The following PIP4K2B variants were observed in gnomAD, a reference collection of about 807,000 sequenced individuals.
PIP4K2B encodes the protein phosphatidylinositol-5-phosphate 4-kinase type 2 beta.
In PIP4K2B, 3 loss-of-function variants were observed where a neutral mutation model predicts 42.0. The ratio of observed to expected loss-of-function variants is 0.07; its 90% CI spans 0.03 to 0.18. The LOEUF is 0.18. PIP4K2B is among the 10% of genes least tolerant of loss of function. The pLI is 1.00. For missense variants in PIP4K2B, 332 were observed against 562.3 expected, an observed-to-expected ratio of 0.59 and a Z score of 4.14; for synonymous variants, 204 against 210.1, an observed-to-expected ratio of 0.97 and a Z score of 0.25.
intron 7 of PIP4K2B, among the ~76,000 whole-genome samples, chr17:38,775,255 T>C (rs922958495): frequency 1.3e-5 from 2 of 151,960 alleles, no homozygotes; most frequent in African/African-American, 4.8e-5. Context: ...GCCTAGCTTT[T>C]GTTTTGTTTT....
intron 7 of PIP4K2B, among the ~76,000 whole-genome samples, chr17:38,777,249 G>A (rs905590190): frequency 6.6e-6 from 1 of 152,072 alleles, no homozygotes; most frequent in African/African-American, 2.4e-5. Flanking sequence ...ATTTTTAGTA[G>A]AGATGAGGTC....
chr17:38,792,494 G>C (rs190502925), intron 1 of PIP4K2B, among the ~76,000 whole-genome samples: 3 of 152,310 alleles, frequency 2.0e-5, no homozygotes, highest in Admixed American at 2.0e-4. Flanking sequence ...ATGCAACATG[G>C]AGATGAAAAT....
intron 1 of PIP4K2B, among the ~76,000 whole-genome samples, chr17:38,798,945 G>C (rs1038333900): frequency 6.6e-6 from 1 of 151,684 alleles, no homozygotes; most frequent in Non-Finnish European, 1.5e-5. Flanking sequence ...GAGAAGCAGG[G>C]ATGAAAGCGA....
chr17:38,784,777 T>C (rs1429703411), intron 2 of PIP4K2B, among the ~76,000 whole-genome samples: 1 of 152,222 alleles, frequency 6.6e-6, no homozygotes, highest in Non-Finnish European at 1.5e-5. Flanking sequence ...ATGTGTGTGC[T>C]GCCCTTCAAT....
At chr17:38,777,948 A>AG (rs1475671849) in intron 6 of PIP4K2B, 148 bp from the exon 7 acceptor site, 1 of 630,444 alleles carries the variant, frequency 1.6e-6, no homozygotes, top group Non-Finnish European at 2.8e-6. Flanking sequence ...GCAGTGCAGG[A>AG]GCCTCTAGTC....
At chr17:38,774,355 T>C (rs1909201060) in intron 7 of PIP4K2B, among the ~76,000 whole-genome samples, 1 of 152,194 alleles carries the variant, frequency 6.6e-6, no homozygotes, top group South Asian at 2.1e-4. Flanking sequence ...AGGGAACTCC[T>C]TCTGCCTGGT....
chr17:38,798,387 A>C (rs921718734), intron 1 of PIP4K2B, among the ~76,000 whole-genome samples: 1 of 152,230 alleles, frequency 6.6e-6, no homozygotes, highest in Non-Finnish European at 1.5e-5. Context: ...CTTCCAGCTT[A>C]AACTGTCAGG....
intron 1 of PIP4K2B, among the ~76,000 whole-genome samples, chr17:38,790,404 C>T (rs1297940808): frequency 6.6e-6 from 1 of 152,128 alleles, no homozygotes; most frequent in East Asian, 1.9e-4. Flanking sequence ...GTTCAGGGCT[C>T]GGCTGGGCGC....
chr17:38,790,537 C>T (rs1011233303), intron 1 of PIP4K2B, among the ~76,000 whole-genome samples: 1 of 152,218 alleles, frequency 6.6e-6, no homozygotes, highest in African/African-American at 2.4e-5. Flanking sequence ...CCGCTCACTG[C>T]AACCTCTGCC....
At chr17:38,778,272 G>T in intron 6 of PIP4K2B, 62 bp downstream of exon 6, 1 of 1,499,906 alleles carries the variant, frequency 6.7e-7, no homozygotes, top group Non-Finnish European at 9.3e-7. Context: ...GGGACAGGAT[G>T]GCCGACAGGA....
At chr17:38,794,713 A>G (rs554742161) in intron 1 of PIP4K2B, among the ~76,000 whole-genome samples, 31 of 151,992 alleles carry the variant, frequency 2.0e-4, no homozygotes. Context: ...CTTCTTAGAT[A>G]TAACACCAAA....
At chr17:38,773,468 A>C (rs576852104) in intron 7 of PIP4K2B, among the ~76,000 whole-genome samples, 48 of 152,254 alleles carry the variant, frequency 3.2e-4, no homozygotes, top group African/African-American at 1.2e-3. Flanking sequence ...GTGGTGGTTC[A>C]AGTCTTTTAT....
intron 1 of PIP4K2B, among the ~76,000 whole-genome samples, chr17:38,795,379 G>A (rs1430797925): frequency 6.6e-6 from 1 of 152,156 alleles, no homozygotes; most frequent in Non-Finnish European, 1.5e-5. Context: ...GGCCAAGGCG[G>A]GAGGACCACT....
intron 1 of PIP4K2B, among the ~76,000 whole-genome samples, chr17:38,788,319 GC>G (rs1313573961): frequency 6.6e-6 from 1 of 151,920 alleles, no homozygotes; most frequent in Non-Finnish European, 1.5e-5. Flanking sequence ...TCCTGCCTCA[GC>G]CTCCAGAGTA....
intron 1 of PIP4K2B, among the ~76,000 whole-genome samples, chr17:38,789,698 A>G (rs541342647): frequency 2.6e-5 from 4 of 152,302 alleles, no homozygotes; most frequent in South Asian, 2.1e-4. Context: ...CTGGGGAACC[A>G]TATCTTCCTA....
rs1406719179 is a variant in PIP4K2B, at chr17:38,780,624, A to G, written c.355-20T>C. ...TGAATTCTGATAATCGAGACAAAAGAAGGCTGGGCTTGGCAGGGGAACAGA... is the reference window on the plus strand; with the variant it reads ...TGAATTCTGATAATCGAGACAAAAGGAGGCTGGGCTTGGCAGGGGAACAGA... On this transcript the variant is annotated intron_variant, in intron 3 of 9. Transcript: ENST00000619039. 1 of 1,601,878 alleles carries G rather than the reference A, an allele frequency of 6.2e-7. No individual in the cohort carries two copies.
chr17:38,771,418 A>G, intron 7 of PIP4K2B, 146 bp from the exon 8 acceptor site: 1 of 806,230 alleles, frequency 1.2e-6, no homozygotes. Flanking sequence ...GCATCAGAGC[A>G]CCCGCCCTCG....
chr17:38,781,548 A>C lies in PIP4K2B; in HGVS notation c.355-944T>G, dbSNP rs368665352. 1.1e-3 allele frequency among the ~76,000 whole-genome samples: 174 copies of C among 152,098 alleles called. 1 individual carries two copies. Among genetic ancestry groups the C allele is most frequent in the African/African-American group, 3.9e-3 (163 of 41,502 alleles). ...ATTATTTTTGTAGAGACAGGGTCTC[A>C]CTCTGTCACCCAAGCTGGAGTACAG... On this transcript the variant is annotated intron_variant, in intron 3 of 9. Coordinates refer to ENST00000619039, the MANE Select transcript of PIP4K2B (RefSeq NM_003559.5).
chr17:38,776,666 C>T (rs770881168), intron 7 of PIP4K2B: 5 of 431,982 alleles, frequency 1.2e-5, no homozygotes, highest in South Asian at 8.4e-5. Flanking sequence ...AAAAAAACAC[C>T]TATTATTATA....
Sources: gnomAD v4.1 joint callset for allele counts (sites outside exome capture counted in the v4.1 genomes callset) on GRCh38, gnomAD v4.1.1 for gene constraint, MANE v1.5 for transcripts, NCBI Gene and HGNC (gene_info 2026-07-23, HGNC 2026-07-21) for gene names.